Variants in PCDHGB2 observed in about 807,000 individuals in gnomAD.
PCDHGB2 encodes protocadherin gamma-B2.
A neutral mutation model predicts 59.3 loss-of-function variants in PCDHGB2; 55 were observed. That is an observed-to-expected ratio of 0.93 (90% CI 0.75 to 1.16). The LOEUF is 1.16. Ranked by LOEUF, PCDHGB2 falls within the 50% of genes most tolerant of loss-of-function variation. The pLI is 0.00. For missense variants in PCDHGB2, 1,228 were observed against 1,198.5 expected, an observed-to-expected ratio of 1.02 and a Z score of -0.36; for synonymous variants, 516 against 512.0, an observed-to-expected ratio of 1.01 and a Z score of -0.11.
intron 1 of PCDHGB2, among the ~76,000 whole-genome samples, chr5:141,472,980 C>CAAAAAAAAAAAAAAAAA (rs60579131): frequency 5.8e-5 from 5 of 86,060 alleles, no homozygotes; most frequent in African/African-American, 3.9e-5. Context: ...GAGTGAAACT[C>CAAAAAAAAAAAAAAAAA]AAAAAAAAAA....
intron 2 of PCDHGB2, among the ~76,000 whole-genome samples, chr5:141,501,286 C>T (rs2099806802): frequency 8.9e-6 from 1 of 112,422 alleles, no homozygotes; most frequent in African/African-American, 3.5e-5. Context: ...GGGATATTCC[C>T]TTATACACAC....
At chr5:141,483,293 G>T (rs532959899) in intron 1 of PCDHGB2, among the ~76,000 whole-genome samples, 1 of 152,264 alleles carries the variant, frequency 6.6e-6, no homozygotes, top group Non-Finnish European at 1.5e-5. Flanking sequence ...TCAGTCATAA[G>T]TGAAGGGACT....
At chr5:141,399,450 C>T in intron 1 of PCDHGB2, 3 of 1,614,018 alleles carry the variant, frequency 1.9e-6, no homozygotes, top group Non-Finnish European at 1.7e-6. Context: ...TCAGAGACGT[C>T]AACGATAACG....
chr5:141,485,867 G>A lies in PCDHGB2; in HGVS notation c.2422-8940G>A. On this transcript the variant is annotated intron_variant, in intron 1 of 3. Coordinates refer to ENST00000522605, the MANE Select transcript of PCDHGB2 (RefSeq NM_018923.3). The surrounding 1 kb of genome is among the most constrained non-coding windows in gnomAD (Gnocchi z 5.7). ...TGGCACCGCAGAGCTCCGGGTATCC[G>A]TGCTGGACGTAAACGACAACGCCCC... The A allele has an allele frequency of 1.9e-6, 3 of 1,614,164 alleles. No homozygotes were observed. Among genetic ancestry groups the A allele is most frequent in the Non-Finnish European group, 8.5e-7 (1 of 1,180,040 alleles).
intron 1 of PCDHGB2, chr5:141,393,518 A>C: frequency 6.2e-7 from 1 of 1,614,030 alleles, no homozygotes; most frequent in Non-Finnish European, 8.5e-7. Context: ...TGTTGGATAC[A>C]AATGACAATG....
At chr5:141,414,042 T>A (rs758538745) in intron 1 of PCDHGB2, 1 of 1,611,324 alleles carries the variant, frequency 6.2e-7, no homozygotes, top group South Asian at 1.1e-5. Flanking sequence ...GAAAATTACC[T>A]GACACGCAAT....
chr5:141,481,455 C>T (rs2099537897), intron 1 of PCDHGB2, among the ~76,000 whole-genome samples: 1 of 152,176 alleles, frequency 6.6e-6, no homozygotes, highest in African/African-American at 2.4e-5. Flanking sequence ...TGTAAATACA[C>T]TGAAAACCAT....
chr5:141,429,387 T>TTAA (rs775632416), intron 1 of PCDHGB2, among the ~76,000 whole-genome samples: 1 of 151,334 alleles, frequency 6.6e-6, no homozygotes, highest in Non-Finnish European at 1.5e-5. Flanking sequence ...GTTTTTTTTT[T>TTAA]AAAAAAAATT....
At chr5:141,422,044 G>C in intron 1 of PCDHGB2, 1 of 1,611,530 alleles carries the variant, frequency 6.2e-7, no homozygotes, top group Admixed American at 1.7e-5. Flanking sequence ...TCCAGACGAG[G>C]GAATCAACGG....
intron 1 of PCDHGB2, among the ~76,000 whole-genome samples, chr5:141,448,614 A>G (rs985924011): frequency 1.3e-5 from 2 of 152,070 alleles, no homozygotes; most frequent in East Asian, 1.9e-4. Flanking sequence ...ACCACTTTAT[A>G]TCTTCCTTTC....
In PCDHGB2 at chr5:141,366,453, T is replaced by C. The variant is rs1477570113; in HGVS notation, c.2421+3897T>C. On this transcript the variant is annotated intron_variant, in intron 1 of 3. Coordinates refer to ENST00000522605, the MANE Select transcript of PCDHGB2 (RefSeq NM_018923.3). Reference sequence around the variant, plus strand: ...GTCTCCTGCGTCTTCCTGGCCTTCGTCATCGTGCTGCTGGTGCTCAGACTG... The same window carrying C: ...GTCTCCTGCGTCTTCCTGGCCTTCGCCATCGTGCTGCTGGTGCTCAGACTG... 7 of 1,614,220 alleles carry C rather than the reference T, an allele frequency of 4.3e-6. No individual in the cohort carries two copies. The Admixed American group carries it at 1.0e-4, about 23-fold the overall frequency.
chr5:141,399,775 G>T, intron 1 of PCDHGB2: 3 of 1,613,282 alleles, frequency 1.9e-6, no homozygotes, highest in Non-Finnish European at 2.5e-6. Context: ...GTTGGTGGGC[G>T]ACCGAAACGA....
At chr5:141,366,814 C>G (rs1764814519) in intron 1 of PCDHGB2, 6 of 1,549,164 alleles carry the variant, frequency 3.9e-6, no homozygotes, top group African/African-American at 2.7e-5. Context: ...TTTCATGTTT[C>G]TGTCATATTC....
intron 1 of PCDHGB2, chr5:141,378,833 C>T (rs1224132304): frequency 6.6e-6 from 1 of 152,128 alleles, no homozygotes; most frequent in East Asian, 1.9e-4. Context: ...GAACAGAAAA[C>T]AGCAGAGTTT....
At chr5:141,503,679 G>A (rs562303239) in intron 2 of PCDHGB2, among the ~76,000 whole-genome samples, 1 of 152,054 alleles carries the variant, frequency 6.6e-6, no homozygotes, top group East Asian at 1.9e-4. Context: ...CCACTTTTGG[G>A]AAGGAGAATT....
rs112657435 is a variant in PCDHGB2, at chr5:141,360,032, T to C, written c.-104T>C. 2,408 of 1,390,562 alleles carry C rather than the reference T, an allele frequency of 1.7e-3. 36 individuals carry two copies. In the African/African-American group the frequency reaches 0.032, roughly 18 times the overall value. The allele number at this position is 1,390,562 out of a possible 1,614,324, so 86.1% of individuals were successfully genotyped here. A position where few individuals can be genotyped will look rare whatever the true frequency, so the allele number is the denominator to read the frequency against. On this transcript the variant is annotated 5_prime_UTR_variant, in exon 1 of 4. Coordinates refer to ENST00000522605, the MANE Select transcript of PCDHGB2 (RefSeq NM_018923.3). ...CCACACAGAGAAGGCCAGTATAGAT[T>C]CGGAAACAGAAAACAAAAGCAGGAA...
At position 141,463,796 on chromosome 5, in the gene PCDHGB2, G is replaced by A. The variant is rs139760353; in HGVS notation, c.2422-31011G>A. ...ATCCTGCACTGTCTTTTGAACAAAT[G>A]TCTAAAAGCTTTTATCACACATTTT... On this transcript the variant is annotated intron_variant, in intron 1 of 3. Coordinates refer to ENST00000522605, the MANE Select transcript of PCDHGB2 (RefSeq NM_018923.3). Among the ~76,000 whole-genome samples, 155 of 152,232 alleles carry A rather than the reference G, an allele frequency of 1.0e-3. 1 individual carries two copies. The highest frequency in any genetic ancestry group is 3.4e-3 in the African/African-American group (140 of 41,538).
chr5:141,441,823 C>A (rs538052540), intron 1 of PCDHGB2: 6 of 357,336 alleles, frequency 1.7e-5, no homozygotes, highest in South Asian at 7.1e-5. Flanking sequence ...AGCTCTGGAG[C>A]GCAATGGCTT....
chr5:141,450,479 G>GTTTT (rs1165567597), intron 1 of PCDHGB2, among the ~76,000 whole-genome samples: 124 of 152,020 alleles, frequency 8.2e-4, no homozygotes, highest in African/African-American at 2.9e-3. Flanking sequence ...GAGTTTGTTT[G>GTTTT]TTTGTTTGTC....
Sources: gnomAD v4.1 joint callset for allele counts (sites outside exome capture counted in the v4.1 genomes callset) on GRCh38, gnomAD v4.1.1 for gene constraint, Gnocchi (gnomAD v3.1) non-coding constraint, MANE v1.5 for transcripts, NCBI Gene and HGNC (gene_info 2026-07-23, HGNC 2026-07-21) for gene names.